Variants in FERRY3 observed in about 807,000 individuals in gnomAD.
FERRY3 encodes protein C12orf4.
chr12:4,529,218 A>G, the FERRY3 span, among the ~76,000 whole-genome samples: 1 of 152,198 alleles, frequency 6.6e-6, no homozygotes. Flanking sequence ...GATAAATAAT[A>G]AAAGCATTGT....
chr12:4,517,684 A>AATAT, the FERRY3 span, among the ~76,000 whole-genome samples: 2,226 of 140,514 alleles, frequency 0.016, 57 homozygotes, highest in African/African-American at 0.049. Flanking sequence ...AGGTTATTAA[A>AATAT]ATATATATAT....
At chr12:4,491,605 G>A in the FERRY3 span, among the ~76,000 whole-genome samples, 2 of 152,180 alleles carry the variant, frequency 1.3e-5, no homozygotes, top group Non-Finnish European at 2.9e-5. Flanking sequence ...TGTTTTTACT[G>A]TATAATACAT....
At chr12:4,502,235 A>G in the FERRY3 span, 1 of 335,660 alleles carries the variant, frequency 3.0e-6, no homozygotes, top group Non-Finnish European at 5.7e-6. This position sits in a 1 kb window ranked among gnomAD's most constrained non-coding sequence, Gnocchi z 4.2. Context: ...TATGTTAAAG[A>G]GACCACTGTG....
At chr12:4,511,328 C>T in the FERRY3 span, among the ~76,000 whole-genome samples, 1 of 150,984 alleles carries the variant, frequency 6.6e-6, no homozygotes, top group East Asian at 1.9e-4. Flanking sequence ...TTAGACAGAT[C>T]AACGAGACAG....
At chr12:4,507,672 T>G in the FERRY3 span, among the ~76,000 whole-genome samples, 6 of 152,182 alleles carry the variant, frequency 3.9e-5, no homozygotes, top group African/African-American at 1.4e-4. Flanking sequence ...AGGAGGAGAC[T>G]GATTAATAAC....
At chr12:4,517,093 G>A in the FERRY3 span, 1 of 1,587,448 alleles carries the variant, frequency 6.3e-7, no homozygotes, top group Non-Finnish European at 8.6e-7. Context: ...CCTGCGCTGG[G>A]TTCTAGCATA....
At chr12:4,532,250 C>T in the FERRY3 span, among the ~76,000 whole-genome samples, 28 of 152,086 alleles carry the variant, frequency 1.8e-4, no homozygotes, top group Non-Finnish European at 3.2e-4. Flanking sequence ...TCACCAGACA[C>T]CTGCAAGATA....
At chr12:4,492,608 T>TC in the FERRY3 span, among the ~76,000 whole-genome samples, 8 of 152,008 alleles carry the variant, frequency 5.3e-5, no homozygotes, top group African/African-American at 1.9e-4. Context: ...TCATGACATT[T>TC]CCCCCCCTCT....
the FERRY3 span, among the ~76,000 whole-genome samples, chr12:4,535,750 T>A: frequency 6.6e-6 from 1 of 152,224 alleles, no homozygotes; most frequent in South Asian, 2.1e-4. This position sits in a 1 kb window ranked among gnomAD's most constrained non-coding sequence, Gnocchi z 4.0. Context: ...CCCAACTAAA[T>A]TCAGAAGAGC....
the FERRY3 span, chr12:4,490,457 G>A: frequency 2.3e-6 from 3 of 1,302,564 alleles, no homozygotes; most frequent in Non-Finnish European, 3.2e-6. Flanking sequence ...AGGATGCCTA[G>A]CTGTATCTGT....
the FERRY3 span, among the ~76,000 whole-genome samples, chr12:4,519,186 T>A: frequency 1.3e-5 from 2 of 152,226 alleles, no homozygotes; most frequent in Middle Eastern, 3.2e-3. The surrounding 1 kb of genome is among the most constrained non-coding windows in gnomAD (Gnocchi z 4.3). Flanking sequence ...AGCGATTAAC[T>A]TATTACTTTA....
chr12:4,536,733 C>T, the FERRY3 span, among the ~76,000 whole-genome samples: 1 of 152,092 alleles, frequency 6.6e-6, no homozygotes, highest in Non-Finnish European at 1.5e-5. Context: ...AGAGAGAGTA[C>T]AGGACCTCCA....
At chr12:4,488,958 T>C in the FERRY3 span, 1 of 152,278 alleles carries the variant, frequency 6.6e-6, no homozygotes, top group Non-Finnish European at 1.5e-5. This position sits in a 1 kb window ranked among gnomAD's most constrained non-coding sequence, Gnocchi z 4.9. Context: ...GAAATGGGGA[T>C]ACATTTATCC....
At chr12:4,531,466 TA>T in the FERRY3 span, among the ~76,000 whole-genome samples, 1 of 152,182 alleles carries the variant, frequency 6.6e-6, no homozygotes, top group African/African-American at 2.4e-5. Context: ...AAACTCAGCC[TA>T]GGGGAAGCTT....
chr12:4,488,539 G>A, the FERRY3 span: 1 of 152,156 alleles, frequency 6.6e-6, no homozygotes, highest in Non-Finnish European at 1.5e-5. The surrounding 1 kb of genome is among the most constrained non-coding windows in gnomAD (Gnocchi z 4.9). Context: ...GTGTTCTTAG[G>A]GTTGTCTTTA....
chr12:4,516,147 C>G, the FERRY3 span, among the ~76,000 whole-genome samples: 1 of 152,054 alleles, frequency 6.6e-6, no homozygotes, highest in African/African-American at 2.4e-5. Context: ...TTTGTGCTAC[C>G]TTTTAGTCTA....
the FERRY3 span, among the ~76,000 whole-genome samples, chr12:4,492,740 C>T: frequency 6.6e-6 from 1 of 151,984 alleles, no homozygotes; most frequent in Non-Finnish European, 1.5e-5. Flanking sequence ...CTAGTGTTTC[C>T]CCTCTAAACC....
At chr12:4,515,108 T>G in the FERRY3 span, among the ~76,000 whole-genome samples, 9 of 152,068 alleles carry the variant, frequency 5.9e-5, no homozygotes, top group African/African-American at 1.9e-4. Context: ...TAAAATAAAC[T>G]TTCATTTTTC....
the FERRY3 span, chr12:4,500,399 T>A: frequency 6.8e-7 from 1 of 1,461,714 alleles, no homozygotes; most frequent in Non-Finnish European, 9.5e-7. Context: ...CATTCATCAA[T>A]GGGCTTTATA....
Sources: gnomAD v4.1 joint callset for allele counts (sites outside exome capture counted in the v4.1 genomes callset) on GRCh38, gnomAD v4.1.1 for gene constraint, Gnocchi (gnomAD v3.1) non-coding constraint, MANE v1.5 for transcripts, NCBI Gene and HGNC (gene_info 2026-07-23, HGNC 2026-07-21) for gene names.